Variants in CACNA2D3 observed in about 807,000 individuals in gnomAD.
The protein encoded by CACNA2D3 is voltage-dependent calcium channel subunit alpha-2/delta-3.
CACNA2D3 carries 60 observed loss-of-function variants against 160.6 expected under a neutral mutation model. That is an observed-to-expected ratio of 0.37 (90% CI 0.30 to 0.46). The LOEUF is 0.46. Ranked by LOEUF, CACNA2D3 falls within the 20% of genes least tolerant of loss-of-function variation. The pLI, the probability that CACNA2D3 is intolerant of heterozygous loss-of-function variation, is 1.00. For missense variants in CACNA2D3, 1,205 were observed against 1,365.0 expected (o/e 0.88, Z 1.85); for synonymous variants, 558 against 492.9 (o/e 1.13, Z -1.75).
chr3:54,520,009 G>C (rs1300145468), intron 5 of CACNA2D3, among the ~76,000 whole-genome samples: 3 of 152,220 alleles, frequency 2.0e-5, no homozygotes, highest in Non-Finnish European at 4.4e-5. Flanking sequence ...TCTGCATTAA[G>C]AATAAAACCT....
chr3:54,398,219 G>A (rs367667833), intron 4 of CACNA2D3, among the ~76,000 whole-genome samples: 2 of 128,676 alleles, frequency 1.6e-5, no homozygotes, highest in Non-Finnish European at 3.2e-5. Context: ...GTCTCTGCAC[G>A]TGAGATGGGT....
chr3:55,038,907 T>TACATACACAC (rs1703895349), intron 35 of CACNA2D3, among the ~76,000 whole-genome samples: 1 of 113,066 alleles, frequency 8.8e-6, no homozygotes, highest in African/African-American at 3.2e-5. Context: ...TATATATATA[T>TACATACACAC]ACACACACTG....
chr3:54,343,188 GC>G (rs533287044), intron 3 of CACNA2D3, among the ~76,000 whole-genome samples: 231 of 151,856 alleles, frequency 1.5e-3, no homozygotes, highest in African/African-American at 4.9e-3. Context: ...TGTGTTTAAA[GC>G]CCCCCCCTCC....
At chr3:54,868,249 C>G (rs1388628412) in intron 17 of CACNA2D3, among the ~76,000 whole-genome samples, 1 of 152,138 alleles carries the variant, frequency 6.6e-6, no homozygotes, top group Non-Finnish European at 1.5e-5. Flanking sequence ...GGAGCTTATT[C>G]TCTAAAAAAG....
chr3:54,664,950 G>A (rs949248845), intron 11 of CACNA2D3, among the ~76,000 whole-genome samples: 9 of 152,210 alleles, frequency 5.9e-5, no homozygotes, highest in African/African-American at 2.2e-4. Flanking sequence ...GGAAAAATGA[G>A]CCAGCTAGTA....
chr3:54,939,909 C>T (rs1196790357), intron 27 of CACNA2D3, among the ~76,000 whole-genome samples: 1 of 152,134 alleles, frequency 6.6e-6, no homozygotes, highest in Non-Finnish European at 1.5e-5. Flanking sequence ...TAGAGCATGC[C>T]CTGGAAGAAA....
intron 4 of CACNA2D3, among the ~76,000 whole-genome samples, chr3:54,441,558 G>A (rs1462910726): frequency 6.6e-6 from 1 of 152,128 alleles, no homozygotes; most frequent in East Asian, 1.9e-4. Flanking sequence ...TGAAGTCCTT[G>A]CCCATGCCTA....
chr3:55,061,111 C>G, intron 35 of CACNA2D3, among the ~76,000 whole-genome samples: 1 of 152,238 alleles, frequency 6.6e-6, no homozygotes, highest in Admixed American at 6.5e-5. Flanking sequence ...TAAATACCAC[C>G]ATGGGACACT....
chr3:54,257,449 C>T (rs746526236), intron 2 of CACNA2D3, among the ~76,000 whole-genome samples: 5 of 152,172 alleles, frequency 3.3e-5, no homozygotes, highest in Admixed American at 6.5e-5. Flanking sequence ...CTTTCCCTCT[C>T]TGAAATGTTT....
intron 11 of CACNA2D3, among the ~76,000 whole-genome samples, chr3:54,699,165 A>G (rs1025820793): frequency 5.3e-5 from 8 of 152,224 alleles, no homozygotes; most frequent in African/African-American, 1.7e-4. Flanking sequence ...AGCTGGTGGC[A>G]TCTGGTTTCC....
chr3:54,678,749 A>AAAAT, intron 11 of CACNA2D3, among the ~76,000 whole-genome samples: 1 of 143,688 alleles, frequency 7.0e-6, no homozygotes, highest in African/African-American at 2.5e-5. Context: ...AAAAAAAAAA[A>AAAAT]GTTGATGATC....
intron 11 of CACNA2D3, among the ~76,000 whole-genome samples, chr3:54,644,839 G>A (rs1699603634): frequency 6.6e-6 from 1 of 152,200 alleles, no homozygotes; most frequent in South Asian, 2.1e-4. Flanking sequence ...TGGAACTACT[G>A]CCACAAGAAA....
rs75660735 is a variant in CACNA2D3 at position 54,915,696 on chromosome 3, C to A, written c.2449+15828C>A. On this transcript the variant is annotated intron_variant, in intron 27 of 37. Coordinates refer to ENST00000474759, the MANE Select transcript of CACNA2D3 (RefSeq NM_018398.3). ...CTCATATTAACAAATGATAACTCTG[C>A]ATTTGTTAATGTAAACAATTTGATT... Among the ~76,000 whole-genome samples the A allele has an allele frequency of 5.8e-4, 89 of 152,296 alleles. 1 individual carries two copies. Among genetic ancestry groups the A allele is most frequent in the African/African-American group, 2.0e-3 (85 of 41,552 alleles).
At chr3:54,967,073 T>G (rs893813442) in intron 27 of CACNA2D3, 1 of 152,206 alleles carries the variant, frequency 6.6e-6, no homozygotes, top group Non-Finnish European at 1.5e-5. Flanking sequence ...ACCGACATGG[T>G]GCATTTCAGA....
intron 10 of CACNA2D3, chr3:54,633,528 A>G (rs1699292888): frequency 6.6e-6 from 1 of 152,178 alleles, no homozygotes; most frequent in Non-Finnish European, 1.5e-5. Flanking sequence ...GGAAACAGGT[A>G]CTAGTCCTGC....
intron 9 of CACNA2D3, among the ~76,000 whole-genome samples, chr3:54,606,002 C>G (rs959868817): frequency 6.6e-6 from 1 of 152,130 alleles, no homozygotes; most frequent in African/African-American, 2.4e-5. Context: ...AGTACAGAGT[C>G]TGATCCATTT....
chr3:54,920,510 T>C (rs1044360566), intron 27 of CACNA2D3, among the ~76,000 whole-genome samples: 1 of 152,204 alleles, frequency 6.6e-6, no homozygotes, highest in East Asian at 1.9e-4. Context: ...TTTCTTCCTT[T>C]TTTGAGCCAC....
chr3:54,622,902 G>T (rs1699020030), intron 9 of CACNA2D3, among the ~76,000 whole-genome samples: 1 of 152,196 alleles, frequency 6.6e-6, no homozygotes, highest in Non-Finnish European at 1.5e-5. Context: ...TGTATAAAGT[G>T]CTGTATTCAG....
intron 4 of CACNA2D3, among the ~76,000 whole-genome samples, chr3:54,421,272 T>G (rs916425711): frequency 1.3e-5 from 2 of 152,218 alleles, no homozygotes; most frequent in African/African-American, 4.8e-5. Flanking sequence ...TCTTTGTTTG[T>G]TTATTGTTTT....
Sources: allele counts gnomAD v4.1 joint callset (sites outside exome capture counted in the v4.1 genomes callset), GRCh38; gene constraint gnomAD v4.1.1; transcripts MANE v1.5; gene names NCBI Gene and HGNC (gene_info 2026-07-23, HGNC 2026-07-21).